UBTD2: variants seen among roughly 807,000 people sequenced by gnomAD.
UBTD2 encodes the protein ubiquitin domain containing 2, also known as ubiquitin domain-containing protein 2.
In UBTD2, 9 loss-of-function variants were observed where a neutral mutation model predicts 19.8. The observed-to-expected ratio is 0.46, with a 90% confidence interval of 0.27 to 0.79. UBTD2 has a LOEUF of 0.79. Among genes scored for constraint, UBTD2 ranks in the 30% least tolerant of loss-of-function variants. UBTD2 has a pLI of 0.14. For synonymous variants in UBTD2, 98 were observed against 103.9 expected, an observed-to-expected ratio of 0.94 and a Z score of 0.35; for missense variants, 250 against 300.4, an observed-to-expected ratio of 0.83 and a Z score of 1.24.
At position 172,234,190 on chromosome 5, in the gene UBTD2, G is replaced by A. The variant is rs1459658165; in HGVS notation, c.239C>T (p.Ala80Val). 1 of 1,613,984 alleles carries A rather than the reference G, an allele frequency of 6.2e-7. No individual in the cohort carries two copies. Among genetic ancestry groups the A allele is most frequent in the Non-Finnish European group, 8.5e-7 (1 of 1,180,040 alleles). ...CAGTTCATGATCATTGCTCTCAAAA[G>A]CATGTGCAGCAGCCTTCAAGGCATC... ...IWDALKAAAH[A>V]FESNDHELAQ... The change falls in exon 2 of 3, where the codon GCT becomes GTT. Residue 80 changes from alanine to valine, a missense_variant. Transcript: ENST00000393792.
At chr5:172,276,377 C>G (rs946069066) in intron 1 of UBTD2, among the ~76,000 whole-genome samples, 9 of 152,232 alleles carry the variant, frequency 5.9e-5, no homozygotes, top group Non-Finnish European at 1.3e-4. Flanking sequence ...CCATCATTTT[C>G]TCTCACACAC....
rs1466669867 is a variant in UBTD2, at chr5:172,210,101, G to T, written c.*1729C>A. 1 of 152,074 alleles carries T rather than the reference G, an allele frequency of 6.6e-6. No individual in the cohort carries two copies. The highest frequency in any genetic ancestry group is 2.4e-5 in the African/African-American group (1 of 41,400). 9.4% of individuals were successfully genotyped at this position (152,074 alleles called of 1,614,324 possible). On this transcript the variant is annotated 3_prime_UTR_variant, in exon 3 of 3. Transcript: ENST00000393792. ...AATCTCCTTTGGGATTAATGCTGTG[G>T]TCTTCACTTGAATTTAGATTCAATC...
chr5:172,250,354 G>T lies in UBTD2; in HGVS notation c.71-15996C>A, dbSNP rs139476256. Reference sequence around the variant, plus strand: ...AAGAAAGTTGGCAGTTGCCCTACATGATCAAAGTTAACATCACCAATAATG... The same window carrying T: ...AAGAAAGTTGGCAGTTGCCCTACATTATCAAAGTTAACATCACCAATAATG... On this transcript the variant is annotated intron_variant, in intron 1 of 2. Coordinates refer to ENST00000393792, the MANE Select transcript of UBTD2 (RefSeq NM_152277.3). Among the ~76,000 whole-genome samples, 1,112 of 152,320 alleles carry T rather than the reference G, an allele frequency of 7.3e-3. 4 individuals are homozygous for T. Among genetic ancestry groups the T allele is most frequent in the Middle Eastern group, 0.02 (6 of 294 alleles).
intron 2 of UBTD2, among the ~76,000 whole-genome samples, chr5:172,230,917 G>A (rs1771881626): frequency 6.6e-6 from 1 of 151,844 alleles, no homozygotes; most frequent in Non-Finnish European, 1.5e-5. Flanking sequence ...CTGAGTAGCT[G>A]GGACTATAGG....
At chr5:172,238,104 T>C (rs868102666) in intron 1 of UBTD2, among the ~76,000 whole-genome samples, 2 of 152,250 alleles carry the variant, frequency 1.3e-5, no homozygotes, top group Admixed American at 6.5e-5. Flanking sequence ...TACCTCATGT[T>C]TGTACCAAGC....
Position 172,218,805 on chromosome 5 carries a change from AAAAATAAAAAAT to A in UBTD2, c.308-6590_308-6579del, listed in dbSNP as rs1468279027. On this transcript the variant is annotated intron_variant, in intron 2 of 2. Transcript: ENST00000393792. ...AAAAAAAAAATAAAAAAATAAAAAA[AAAAATAAAAAAT>A]AAAAATAAAAAAAATTCAACAAAAC... Among the ~76,000 whole-genome samples, 302 of 106,010 alleles carry A rather than the reference AAAAATAAAAAAT, an allele frequency of 2.8e-3. 1 individual carries two copies. The highest frequency in any genetic ancestry group is 9.6e-3 in the African/African-American group (270 of 27,982). 69.5% of individuals were successfully genotyped at this position (106,010 alleles called of 152,430 possible).
Position 172,246,361 on chromosome 5 carries a change from A to C in UBTD2, c.71-12003T>G, listed in dbSNP as rs117663849. Among the ~76,000 whole-genome samples, 150 of 152,216 alleles carry C rather than the reference A, an allele frequency of 9.9e-4. 1 individual carries two copies. In the East Asian group the frequency reaches 0.015, roughly 15 times the overall value. On this transcript the variant is annotated intron_variant, in intron 1 of 2. Coordinates refer to ENST00000393792, the MANE Select transcript of UBTD2 (RefSeq NM_152277.3). Reference sequence around the variant, plus strand: ...GGAACAAACAGAAAACACATAATACAATGTCAGACCTAAATCCAATCATAT... The same window carrying C: ...GGAACAAACAGAAAACACATAATACCATGTCAGACCTAAATCCAATCATAT...
chr5:172,211,802 A>T lies in UBTD2; in HGVS notation c.*28T>A. On this transcript the variant is annotated 3_prime_UTR_variant, in exon 3 of 3. Coordinates refer to ENST00000393792, the MANE Select transcript of UBTD2 (RefSeq NM_152277.3). ...AAGAACCATAAAAAGGAGCAGAGGG[A>T]TGTGGGAGCTGGCCAACAGGGCTCA... 6.4e-7 allele frequency: 1 copy of T among 1,561,470 alleles called. No individual in the cohort carries two copies. The highest frequency in any genetic ancestry group is 1.9e-5 in the Admixed American group (1 of 52,550).
intron 2 of UBTD2, among the ~76,000 whole-genome samples, chr5:172,213,681 C>T (rs1469580337): frequency 6.6e-6 from 1 of 152,208 alleles, no homozygotes; most frequent in Non-Finnish European, 1.5e-5. Context: ...CTCCTGGGCT[C>T]AAGCAATCCT....
At chr5:172,252,686 T>C (rs1285240894) in intron 1 of UBTD2, among the ~76,000 whole-genome samples, 13 of 152,110 alleles carry the variant, frequency 8.5e-5, no homozygotes, top group Non-Finnish European at 1.8e-4. Context: ...ATTCTAATGT[T>C]AAGAGCCTGG....
intron 1 of UBTD2, among the ~76,000 whole-genome samples, chr5:172,248,761 CAAA>C (rs1248793919): frequency 1.6e-5 from 2 of 127,944 alleles, no homozygotes; most frequent in Non-Finnish European, 1.7e-5. Flanking sequence ...GATCCTGTCT[CAAA>C]AAAAAAAAAA....
intron 1 of UBTD2, among the ~76,000 whole-genome samples, chr5:172,246,931 T>C (rs567105714): frequency 1.3e-5 from 2 of 151,486 alleles, no homozygotes; most frequent in South Asian, 2.1e-4. Context: ...AATTGTTGTA[T>C]TTTCAGTAGA....
chr5:172,240,036 A>T (rs1275270157), intron 1 of UBTD2, among the ~76,000 whole-genome samples: 1 of 152,232 alleles, frequency 6.6e-6, no homozygotes, highest in Non-Finnish European at 1.5e-5. Flanking sequence ...CTCTAAATAA[A>T]GCATATGCTG....
At chr5:172,251,258 G>A (rs1257911272) in intron 1 of UBTD2, among the ~76,000 whole-genome samples, 1 of 144,800 alleles carries the variant, frequency 6.9e-6, no homozygotes, top group African/African-American at 2.6e-5. Flanking sequence ...GGCCAGGCTT[G>A]CAGTGAGCCA....
chr5:172,220,979 G>A (rs865899839), intron 2 of UBTD2, among the ~76,000 whole-genome samples: 18 of 152,274 alleles, frequency 1.2e-4, no homozygotes, highest in South Asian at 6.2e-4. Flanking sequence ...TCAGCAATGA[G>A]CAAGTAGAAT....
At chr5:172,217,418 C>CAAAA (rs35018283) in intron 2 of UBTD2, among the ~76,000 whole-genome samples, 2 of 114,806 alleles carry the variant, frequency 1.7e-5, no homozygotes, top group African/African-American at 3.2e-5. Flanking sequence ...GACTCTGTCT[C>CAAAA]AAAAAAAAAA....
intron 1 of UBTD2, among the ~76,000 whole-genome samples, chr5:172,258,305 G>A (rs576706163): frequency 6.6e-6 from 1 of 152,254 alleles, no homozygotes; most frequent in South Asian, 2.1e-4. Flanking sequence ...TTGTAGGTGT[G>A]TGACTTTATT....
intron 1 of UBTD2, among the ~76,000 whole-genome samples, chr5:172,268,873 G>T (rs2113116824): frequency 6.6e-6 from 1 of 152,238 alleles, no homozygotes; most frequent in Middle Eastern, 3.4e-3. Flanking sequence ...AGTTATAAAA[G>T]ACATTTTGAG....
intron 2 of UBTD2, among the ~76,000 whole-genome samples, chr5:172,221,431 G>C (rs1023249139): frequency 6.6e-6 from 1 of 152,190 alleles, no homozygotes; most frequent in Non-Finnish European, 1.5e-5. Context: ...GAGCCCAGCA[G>C]TTTGAGGCTG....
Sources: gnomAD v4.1 joint callset for allele counts (sites outside exome capture counted in the v4.1 genomes callset) on GRCh38, gnomAD v4.1.1 for gene constraint, MANE v1.5 for transcripts, NCBI Gene and HGNC (gene_info 2026-07-23, HGNC 2026-07-21) for gene names.